DNAAF6: variants seen among roughly 807,000 people sequenced by gnomAD.
DNAAF6 encodes the protein PIH1 domain containing 3.
A neutral mutation model predicts 13.7 loss-of-function variants in DNAAF6; 3 were observed. The ratio of observed to expected loss-of-function variants is 0.22; its 90% CI spans 0.10 to 0.56. The LOEUF is 0.56. Ranked by LOEUF, DNAAF6 falls within the 20% of genes least tolerant of loss-of-function variation. The pLI, the probability that DNAAF6 is intolerant of heterozygous loss-of-function variation, is 0.92. For missense variants in DNAAF6, 130 were observed against 151.0 expected, an observed-to-expected ratio of 0.86 and a Z score of 0.73; for synonymous variants, 54 against 49.2, an observed-to-expected ratio of 1.10 and a Z score of -0.41.
intron 5 of DNAAF6, among the ~76,000 whole-genome samples, chrX:107,230,913 C>A (rs1450093439): frequency 9.0e-6 from 1 of 111,582 alleles, no homozygotes; most frequent in African/African-American, 3.3e-5. Flanking sequence ...TTTCCCGATT[C>A]CTTGTTATTC....
chrX:107,216,622 G>A lies in DNAAF6; in HGVS notation c.154-49G>A, dbSNP rs755941822. On this transcript the variant is annotated intron_variant, in intron 2 of 6. Transcript: ENST00000372453. ...ATTTAAAGTATCACTAGTCATATAG[G>A]TTATACAAGTATTAATTACAGAATA... The A allele has an allele frequency of 5.4e-6, 5 of 924,372 alleles. No homozygotes were observed. The South Asian group carries it at 1.2e-4, about 23-fold the overall frequency. The allele number at this position is 924,372 out of a possible 1,213,427, so 76.2% of individuals were successfully genotyped here. A position where few individuals can be genotyped will look rare whatever the true frequency, so the allele number is the denominator to read the frequency against.
chrX:107,236,911 C>T (rs1928526441), intron 5 of DNAAF6, among the ~76,000 whole-genome samples: 1 of 111,606 alleles, frequency 9.0e-6, no homozygotes, highest in Non-Finnish European at 1.9e-5. Flanking sequence ...CTTTCTTTGT[C>T]GAATAGAATG....
At chrX:107,209,275 AAAAAT>A (rs1468887458) in intron 1 of DNAAF6, among the ~76,000 whole-genome samples, 2 of 112,289 alleles carry the variant, frequency 1.8e-5, no homozygotes, top group African/African-American at 6.5e-5. Context: ...CTGATTTAAA[AAAAAT>A]AAATAAATAA....
chrX:107,212,765 C>T, intron 1 of DNAAF6, 108 bp from the exon 2 acceptor site: 1 of 931,086 alleles, frequency 1.1e-6, no homozygotes, highest in Non-Finnish European at 1.4e-6. Context: ...AGTATAAGAA[C>T]CAATGGAGTG....
intron 5 of DNAAF6, among the ~76,000 whole-genome samples, chrX:107,234,986 T>G (rs1247852633): frequency 2.7e-5 from 3 of 111,935 alleles, no homozygotes; most frequent in Non-Finnish European, 1.9e-5. Flanking sequence ...AAGAAGAGAT[T>G]TGAAACTCAC....
At chrX:107,232,835 T>G (rs985915257) in intron 5 of DNAAF6, among the ~76,000 whole-genome samples, 4 of 110,787 alleles carry the variant, frequency 3.6e-5, no homozygotes, top group Admixed American at 2.9e-4. Flanking sequence ...CTTGATCTCC[T>G]GGACTCAAGT....
chrX:107,232,434 T>C (rs892394167), intron 5 of DNAAF6, among the ~76,000 whole-genome samples: 1 of 112,022 alleles, frequency 8.9e-6, no homozygotes, highest in African/African-American at 3.2e-5. Flanking sequence ...ATCACAGGAA[T>C]CAAGAGATAC....
chrX:107,220,293 C>T (rs932793511), intron 4 of DNAAF6, among the ~76,000 whole-genome samples: 7 of 111,783 alleles, frequency 6.3e-5, no homozygotes, highest in South Asian at 3.7e-4. Context: ...TCTTAGAGAA[C>T]GAAGAGAGTA....
In DNAAF6 at chrX:107,244,233, T is replaced by C. The variant is rs971027723; in HGVS notation, c.*935T>C. On this transcript the variant is annotated 3_prime_UTR_variant, in exon 7 of 7. Coordinates refer to ENST00000372453, the MANE Select transcript of DNAAF6 (RefSeq NM_173494.2). ...TTGACTTTAAAATAAATTTAAAGTG[T>C]GGCACATTTACAAATCCTGTTTGCT... 2.7e-5 allele frequency: 3 copies of C among 112,357 alleles called. No homozygotes were observed. Among genetic ancestry groups the C allele is most frequent in the Non-Finnish European group, 5.6e-5 (3 of 53,207 alleles). 9.3% of individuals were successfully genotyped at this position (112,357 alleles called of 1,213,427 possible).
chrX:107,240,295 C>T (rs1701098590), intron 6 of DNAAF6, among the ~76,000 whole-genome samples: 2 of 111,828 alleles, frequency 1.8e-5, no homozygotes, highest in Non-Finnish European at 3.8e-5. Context: ...CAGAGAGGTA[C>T]CATCTCAAGA....
intron 4 of DNAAF6, among the ~76,000 whole-genome samples, chrX:107,221,097 A>G (rs1928127903): frequency 9.2e-6 from 1 of 108,968 alleles, no homozygotes; most frequent in African/African-American, 3.3e-5. Flanking sequence ...TCAGCCTCAC[A>G]AGTAGCTGAG....
rs1302012515 is a variant in DNAAF6 at position 107,243,193 on chromosome X, G to A, written c.540G>A (p.Glu180=). 3 of 1,206,130 alleles carry A rather than the reference G, an allele frequency of 2.5e-6. No individual in the cohort carries two copies. The Admixed American group carries it at 6.7e-5, about 27-fold the overall frequency. Residue 180 remains glutamate (E), a synonymous_variant, in exon 7 of 7, where the codon GAG becomes GAA. Coordinates refer to ENST00000372453, the MANE Select transcript of DNAAF6 (RefSeq NM_173494.2). The part of the protein sequence containing the change: ...PQKKLLITLP[E]LVECTSAKAF... ...GGAAGCTGTTGATAACTCTTCCTGA[G>A]CTGGTGGAATGTACCAGTGCCAAAG...
At chrX:107,237,783 A>G (rs1255616461) in intron 5 of DNAAF6, among the ~76,000 whole-genome samples, 1 of 112,004 alleles carries the variant, frequency 8.9e-6, no homozygotes, top group African/African-American at 3.2e-5. Flanking sequence ...GGAGATCGAT[A>G]CCATCCTGGC....
At chrX:107,240,357 A>T (rs1204279291) in intron 6 of DNAAF6, among the ~76,000 whole-genome samples, 2 of 111,941 alleles carry the variant, frequency 1.8e-5, no homozygotes, top group Non-Finnish European at 3.8e-5. Flanking sequence ...GGATTTTATC[A>T]TGTTTCCTAA....
At chrX:107,239,105 A>G (rs1235818823) in intron 6 of DNAAF6, 98 bp downstream of exon 6, 2 of 1,034,670 alleles carry the variant, frequency 1.9e-6, no homozygotes, top group African/African-American at 2.0e-5. Flanking sequence ...TATCACCCCT[A>G]AAGTCTGAAG....
intron 1 of DNAAF6, among the ~76,000 whole-genome samples, chrX:107,209,111 T>C (rs1927789234): frequency 9.0e-6 from 1 of 111,014 alleles, no homozygotes; most frequent in African/African-American, 3.3e-5. Flanking sequence ...AGTATAGTTA[T>C]CAAAAAATGC....
intron 5 of DNAAF6, among the ~76,000 whole-genome samples, chrX:107,233,914 T>C (rs757559912): frequency 8.0e-5 from 9 of 112,003 alleles, no homozygotes; most frequent in African/African-American, 2.3e-4. Context: ...ATGGTAGTTA[T>C]GTGATAAGGA....
intron 5 of DNAAF6, among the ~76,000 whole-genome samples, chrX:107,227,605 A>G (rs924081538): frequency 1.8e-5 from 2 of 110,057 alleles, no homozygotes; most frequent in Non-Finnish European, 3.8e-5. Flanking sequence ...TGTCAGTTCC[A>G]GGCAGCACAG....
At chrX:107,230,808 A>G (rs1928374534) in intron 5 of DNAAF6, among the ~76,000 whole-genome samples, 1 of 111,961 alleles carries the variant, frequency 8.9e-6, no homozygotes, top group Non-Finnish European at 1.9e-5. Flanking sequence ...ACCCTTACCT[A>G]CTTTTACAGT....
Sources: allele counts gnomAD v4.1 joint callset (sites outside exome capture counted in the v4.1 genomes callset), GRCh38; gene constraint gnomAD v4.1.1; transcripts MANE v1.5; gene names NCBI Gene and HGNC (gene_info 2026-07-23, HGNC 2026-07-21).